Variants in ATP2B3 observed in about 807,000 individuals in gnomAD.
ATP2B3 encodes ATPase plasma membrane Ca2+ transporting 3, also known as plasma membrane calcium-transporting ATPase 3.
ATP2B3 carries 12 observed loss-of-function variants against 70.8 expected under a neutral mutation model. The observed-to-expected ratio is 0.17, with a 90% CI of 0.11 to 0.27. ATP2B3 has a LOEUF of 0.27. Ranked by LOEUF, ATP2B3 falls within the 10% of genes least tolerant of loss-of-function variation. ATP2B3 has a pLI of 1.00. For synonymous variants in ATP2B3, 460 were observed against 497.8 expected, an observed-to-expected ratio of 0.92 and a Z score of 1.01; for missense variants, 858 against 1,118.5, an observed-to-expected ratio of 0.77 and a Z score of 3.32.
chrX:153,559,020 T>C (rs950136445), intron 17 of ATP2B3, among the ~76,000 whole-genome samples: 1 of 81,807 alleles, frequency 1.2e-5, no homozygotes, highest in Admixed American at 1.5e-4. Context: ...ATCAACTTGG[T>C]CTTTTCAAAA....
chrX:153,548,980 C>T lies in ATP2B3; in HGVS notation c.1338+126C>T, dbSNP rs1461293141. The T allele has an allele frequency of 3.9e-5, 26 of 672,169 alleles. No homozygotes were observed. The East Asian group carries it at 9.2e-4, about 24-fold the overall frequency. 55.4% of individuals were successfully genotyped at this position (672,169 alleles called of 1,213,427 possible). A position where few individuals can be genotyped will look rare whatever the true frequency, so the allele number is the denominator to read the frequency against. On this transcript the variant is annotated intron_variant, in intron 10 of 21. Transcript: ENST00000263519. ...ATAGCTCAAGGGAGGAGAGGAGGTG[C>T]CGAGCAGGGACCCAGGGGGCAGCTT...
In ATP2B3 at chrX:153,562,251, C is replaced by T. The variant is rs781931570; in HGVS notation, c.3159+9C>T. The T allele has an allele frequency of 1.6e-5, 19 of 1,193,119 alleles. No individual in the cohort carries two copies. Among genetic ancestry groups the T allele is most frequent in the East Asian group, 5.9e-5 (2 of 33,657 alleles). Reference sequence around the variant, plus strand: ...AGCTGGTCTGGGGACAGGTGAGTGACAGCCCTGCCCCTCATTTCAGACTGC... The same window carrying T: ...AGCTGGTCTGGGGACAGGTGAGTGATAGCCCTGCCCCTCATTTCAGACTGC... On this transcript the variant is annotated intron_variant, in intron 20 of 21. Coordinates refer to ENST00000263519, the MANE Select transcript of ATP2B3 (RefSeq NM_001001344.3).
intron 12 of ATP2B3, among the ~76,000 whole-genome samples, 190 bp downstream of exon 12, chrX:153,550,476 G>C (rs1180044072): frequency 9.0e-6 from 1 of 111,436 alleles, no homozygotes; most frequent in Non-Finnish European, 1.9e-5. Flanking sequence ...CATCAACCCG[G>C]AAAGAAACCC....
chrX:153,538,247 C>T lies in ATP2B3; in HGVS notation c.208+1792C>T, dbSNP rs1312945735. On this transcript the variant is annotated intron_variant, in intron 3 of 21. Coordinates refer to ENST00000263519, the MANE Select transcript of ATP2B3 (RefSeq NM_001001344.3). ...GACACAAGGGCCTGAGCCACGGGGG[C>T]AGCTGGCTTTGTTGTGCCCCAAGCC... Among the ~76,000 whole-genome samples, 15 of 113,221 alleles carry T rather than the reference C, an allele frequency of 1.3e-4. No homozygotes were observed. In the Admixed American group the frequency reaches 1.4e-3, roughly 10 times the overall value.
intron 11 of ATP2B3, 108 bp from the exon 12 acceptor site, chrX:153,549,937 C>T (rs185289934): frequency 8.8e-7 from 1 of 1,130,265 alleles, no homozygotes; most frequent in East Asian, 3.1e-5. Flanking sequence ...CCCTGCCGCC[C>T]ACACCCTAAC....
chrX:153,556,988 C>A lies in ATP2B3; in HGVS notation c.2398C>A (p.Pro800Thr). Residue 800 changes from proline to threonine, a missense_variant, in exon 16 of 22, where the codon CCG becomes ACG. This residue lies in a region of ATP2B3 where 50 missense variants were observed against 106.7 expected (regional missense o/e 0.47). Coordinates refer to ENST00000263519, the MANE Select transcript of ATP2B3 (RefSeq NM_001001344.3). ...GACAGGGGATGGCACCAACGATGGG[C>A]CGGCCCTCAAGAAGGCGGACGTGGG... is the stretch of plus-strand genomic sequence containing the variant. ...AVTGDGTNDG[P>T]ALKKADVGFA... The A allele has an allele frequency of 8.4e-7, 1 of 1,192,395 alleles. No individual in the cohort carries two copies. The highest frequency in any genetic ancestry group is 2.3e-5 in the Admixed American group (1 of 43,655).
At chrX:153,574,819 C>A (rs1206164760) in intron 21 of ATP2B3, 2 of 329,178 alleles carry the variant, frequency 6.1e-6, no homozygotes, top group African/African-American at 2.7e-5. Flanking sequence ...TCCAGCTGGC[C>A]GGCAGTGGCA....
chrX:153,550,361 C>G (rs782331432), intron 12 of ATP2B3, 75 bp downstream of exon 12: 9 of 1,177,404 alleles, frequency 7.6e-6, no homozygotes, highest in African/African-American at 5.3e-5. Flanking sequence ...AGAGGCCGAA[C>G]GTAAAATTCA....
rs189900886 is a variant in ATP2B3, at chrX:153,536,406, C to T, written c.159C>T (p.Tyr53=). The T allele has an allele frequency of 6.6e-6, 8 of 1,204,199 alleles. No individual in the cohort carries two copies. The highest frequency in any genetic ancestry group is 2.7e-4 in the Middle Eastern group (1 of 3,701). Residue 53 remains tyrosine (Y), a synonymous_variant, in exon 3 of 22, where the codon TAC becomes TAT. Coordinates refer to ENST00000263519, the MANE Select transcript of ATP2B3 (RefSeq NM_001001344.3). Reference sequence around the variant, plus strand: ...CGCTGCAGAAGATCGAGGAGGCCTACGGGGATGTCAGCGGGCTCTGCCGGA... The same window carrying T: ...CGCTGCAGAAGATCGAGGAGGCCTATGGGGATGTCAGCGGGCTCTGCCGGA... The part of the protein sequence containing the change: ...AEALQKIEEA[Y]GDVSGLCRRL...
intron 21 of ATP2B3, among the ~76,000 whole-genome samples, chrX:153,579,053 T>G (rs1254333880): frequency 4.4e-5 from 5 of 112,829 alleles, no homozygotes; most frequent in African/African-American, 1.6e-4. Context: ...CCACAGTTTC[T>G]GGTTATAGCC....
intron 2 of ATP2B3, among the ~76,000 whole-genome samples, chrX:153,531,447 G>A (rs1482266652): frequency 8.8e-6 from 1 of 113,379 alleles, no homozygotes; most frequent in Non-Finnish European, 1.9e-5. Context: ...TCCCCGTAGT[G>A]AGTCACGTCG....
At chrX:153,524,631 G>A (rs1022336022) in intron 2 of ATP2B3, among the ~76,000 whole-genome samples, 2 of 111,671 alleles carry the variant, frequency 1.8e-5, no homozygotes, top group South Asian at 3.7e-4. Flanking sequence ...GTAGCAAATC[G>A]GTTGTTCCCT....
chrX:153,578,715 G>T (rs180795301), intron 21 of ATP2B3, among the ~76,000 whole-genome samples: 1 of 112,587 alleles, frequency 8.9e-6, no homozygotes, highest in East Asian at 2.8e-4. Flanking sequence ...GCTGATCTGA[G>T]GTCTGCAAAC....
At chrX:153,553,305 C>T (rs371938114) in intron 13 of ATP2B3, 36 bp downstream of exon 13, 38 of 1,140,085 alleles carry the variant, frequency 3.3e-5, no homozygotes, top group Non-Finnish European at 4.5e-5. Context: ...GCCCTGGTAA[C>T]TGTGCCCTCT....
intron 20 of ATP2B3, among the ~76,000 whole-genome samples, chrX:153,563,998 T>C (rs960700993): frequency 1.8e-5 from 2 of 112,312 alleles, no homozygotes; most frequent in Admixed American, 1.9e-4. Context: ...CCCTGCGTCC[T>C]TCTAGACTGT....
At chrX:153,543,490 C>T (rs59454138) in intron 7 of ATP2B3, among the ~76,000 whole-genome samples, 6,734 of 112,599 alleles carry the variant, frequency 0.06, 339 homozygotes, top group African/African-American at 0.16. Context: ...CTCATGCTTA[C>T]CCTCAGGGCC....
At chrX:153,522,707 G>C (rs2089975475) in intron 2 of ATP2B3, among the ~76,000 whole-genome samples, 1 of 112,102 alleles carries the variant, frequency 8.9e-6, no homozygotes, top group Admixed American at 9.4e-5. Context: ...AGGAGGGAAA[G>C]GGCCTCTGTC....
chrX:153,531,731 G>C (rs782360159), intron 2 of ATP2B3, among the ~76,000 whole-genome samples: 65 of 112,928 alleles, frequency 5.8e-4, no homozygotes, highest in African/African-American at 2.1e-3. Context: ...GGAGTGACTC[G>C]GGAGCTGGGA....
At chrX:153,538,787 G>A (rs1466131741) in intron 3 of ATP2B3, among the ~76,000 whole-genome samples, 1 of 113,069 alleles carries the variant, frequency 8.8e-6, no homozygotes, top group Non-Finnish European at 1.9e-5. Flanking sequence ...CCTCCTCCCC[G>A]TCAATGGGTG....
Sources: gnomAD v4.1 joint callset for allele counts (sites outside exome capture counted in the v4.1 genomes callset) on GRCh38, gnomAD v4.1.1 for gene constraint, gnomAD v4.1.1 regional missense constraint, MANE v1.5 for transcripts, NCBI Gene and HGNC (gene_info 2026-07-23, HGNC 2026-07-21) for gene names.